CPA6: variants seen among roughly 807,000 people sequenced by gnomAD.
CPA6 encodes carboxypeptidase B.
In CPA6, 58 loss-of-function variants were observed where a neutral mutation model predicts 63.3. The ratio of observed to expected loss-of-function variants is 0.92; its 90% confidence interval spans 0.74 to 1.14. The LOEUF (loss-of-function observed/expected upper bound fraction) is 1.14, where lower values mean the gene tolerates loss of function less well. CPA6 is among the 50% of genes most tolerant of loss of function. CPA6 has a pLI of 0.00. For missense variants in CPA6, 565 were observed against 526.6 expected (o/e 1.07, Z -0.71); for synonymous variants, 185 against 179.0 (o/e 1.03, Z -0.27).
chr8:67,630,386 C>T (rs1815297177), intron 1 of CPA6, among the ~76,000 whole-genome samples: 1 of 152,056 alleles, frequency 6.6e-6, no homozygotes, highest in Non-Finnish European at 1.5e-5. Context: ...AAAACCCACA[C>T]AGACATGGGG....
At chr8:67,730,442 G>T (rs1817684930) in intron 1 of CPA6, among the ~76,000 whole-genome samples, 1 of 152,178 alleles carries the variant, frequency 6.6e-6, no homozygotes, top group African/African-American at 2.4e-5. Flanking sequence ...GAAGCTCTCT[G>T]AATCCTGTCC....
intron 2 of CPA6, among the ~76,000 whole-genome samples, chr8:67,535,643 C>A (rs1439733311): frequency 6.6e-6 from 1 of 152,144 alleles, no homozygotes; most frequent in Admixed American, 6.5e-5. Flanking sequence ...AATTTTCTCC[C>A]ATTCTGTAGG....
chr8:67,658,497 C>T (rs1235806337), intron 1 of CPA6, among the ~76,000 whole-genome samples: 1 of 152,192 alleles, frequency 6.6e-6, no homozygotes, highest in Non-Finnish European at 1.5e-5. Flanking sequence ...GGGCCTCATT[C>T]TCTTTTTATG....
chr8:67,612,135 C>G (rs1243015655), intron 2 of CPA6, among the ~76,000 whole-genome samples: 3 of 152,066 alleles, frequency 2.0e-5, no homozygotes, highest in African/African-American at 7.2e-5. Context: ...AATGGACTGT[C>G]TAAGTATGGC....
At chr8:67,540,518 G>C (rs1812682328) in intron 2 of CPA6, among the ~76,000 whole-genome samples, 1 of 152,218 alleles carries the variant, frequency 6.6e-6, no homozygotes, top group Admixed American at 6.5e-5. Context: ...CTGTCCCTTA[G>C]CAGAGCTCAA....
At chr8:67,613,091 C>G (rs1490512347) in intron 2 of CPA6, among the ~76,000 whole-genome samples, 4 of 152,172 alleles carry the variant, frequency 2.6e-5, no homozygotes, top group Non-Finnish European at 5.9e-5. Flanking sequence ...TATCATCAAG[C>G]TATTACAGAA....
chr8:67,599,958 G>C (rs1814449774), intron 2 of CPA6, among the ~76,000 whole-genome samples: 1 of 152,030 alleles, frequency 6.6e-6, no homozygotes, highest in Non-Finnish European at 1.5e-5. Flanking sequence ...AAAGATGGTA[G>C]AAACTAGATT....
intron 5 of CPA6, among the ~76,000 whole-genome samples, chr8:67,507,165 T>A (rs1000521523): frequency 1.3e-5 from 2 of 151,990 alleles, no homozygotes; most frequent in Non-Finnish European, 2.9e-5. Flanking sequence ...ATTTTTTAAT[T>A]TTAATTAATT....
At chr8:67,496,519 T>TTATATATATATATATA (rs1163959938) in intron 6 of CPA6, among the ~76,000 whole-genome samples, 7 of 94,120 alleles carry the variant, frequency 7.4e-5, no homozygotes, top group African/African-American at 1.0e-4. Context: ...ACTATATAGT[T>TTATATATATATATATA]TATATATATA....
chr8:67,698,116 G>T (rs1816945188), intron 1 of CPA6, among the ~76,000 whole-genome samples: 1 of 152,086 alleles, frequency 6.6e-6, no homozygotes, highest in Non-Finnish European at 1.5e-5. Flanking sequence ...AACTCAAAGA[G>T]CCCAAAGCAT....
intron 8 of CPA6, among the ~76,000 whole-genome samples, chr8:67,455,326 T>C (rs1426154163): frequency 1.3e-5 from 2 of 152,076 alleles, no homozygotes; most frequent in Non-Finnish European, 2.9e-5. Flanking sequence ...GTTCTCATTG[T>C]GGTGTTGGGA....
At chr8:67,661,164 T>G (rs577959437) in intron 1 of CPA6, among the ~76,000 whole-genome samples, 1 of 152,272 alleles carries the variant, frequency 6.6e-6, no homozygotes, top group African/African-American at 2.4e-5. Context: ...GTCTTCTAAT[T>G]TTAGATATGG....
At chr8:67,445,200 C>T (rs868429584) in intron 8 of CPA6, among the ~76,000 whole-genome samples, 1 of 151,330 alleles carries the variant, frequency 6.6e-6, no homozygotes, top group African/African-American at 2.4e-5. Flanking sequence ...TAGAGGTAAC[C>T]TTGGGGATAA....
intron 6 of CPA6, among the ~76,000 whole-genome samples, chr8:67,491,779 C>T (rs1362880207): frequency 6.6e-6 from 1 of 152,146 alleles, no homozygotes. Flanking sequence ...TGTTACTGCA[C>T]TTTAGTTAAA....
chr8:67,545,580 T>TTTTTTG (rs750417027), intron 2 of CPA6, among the ~76,000 whole-genome samples: 49,226 of 124,708 alleles, frequency 0.39, 8,938 homozygotes, highest in Non-Finnish European at 0.54. Flanking sequence ...TTTTTTTTTT[T>TTTTTTG]TTTTGAGATG....
intron 2 of CPA6, among the ~76,000 whole-genome samples, chr8:67,541,592 G>A (rs1250275385): frequency 6.6e-6 from 1 of 152,140 alleles, no homozygotes; most frequent in East Asian, 1.9e-4. Context: ...GAAGGGACAG[G>A]AATTGCTCAC....
chr8:67,498,336 G>A (rs1236317741), intron 6 of CPA6, among the ~76,000 whole-genome samples: 1 of 151,750 alleles, frequency 6.6e-6, no homozygotes, highest in Non-Finnish European at 1.5e-5. Flanking sequence ...AGGAGTTTGG[G>A]ACCAGCCTGG....
At chr8:67,506,945 A>G in intron 5 of CPA6, 57 bp from the exon 6 acceptor site, 1 of 1,186,066 alleles carries the variant, frequency 8.4e-7, no homozygotes, top group Non-Finnish European at 1.3e-6. Flanking sequence ...ACTGACCAGC[A>G]TAATTTAATA....
At chr8:67,738,892 T>C (rs1220206145) in intron 1 of CPA6, among the ~76,000 whole-genome samples, 1 of 152,182 alleles carries the variant, frequency 6.6e-6, no homozygotes, top group African/African-American at 2.4e-5. Flanking sequence ...CTAAAACAAG[T>C]CACCAAAAAC....
Sources: gnomAD v4.1 joint callset for allele counts (sites outside exome capture counted in the v4.1 genomes callset) on GRCh38, gnomAD v4.1.1 for gene constraint, MANE v1.5 for transcripts, NCBI Gene and HGNC (gene_info 2026-07-23, HGNC 2026-07-21) for gene names.